ALPK1: variants seen among roughly 807,000 people sequenced by gnomAD.
ALPK1 encodes the protein alpha-protein kinase 1.
ALPK1 carries 110 observed loss-of-function variants against 120.6 expected under a neutral mutation model. The ratio of observed to expected loss-of-function variants is 0.91; its 90% CI spans 0.78 to 1.07. The LOEUF is 1.07. Ranked by LOEUF, ALPK1 falls within the 50% of genes least tolerant of loss-of-function variation. ALPK1 has a pLI of 0.00. For synonymous variants in ALPK1, 582 were observed against 560.3 expected, an observed-to-expected ratio of 1.04 and a Z score of -0.55; for missense variants, 1,498 against 1,483.9, an observed-to-expected ratio of 1.01 and a Z score of -0.16.
At chr4:112,412,176 C>T in intron 5 of ALPK1, 151 bp downstream of exon 5, 1 of 903,374 alleles carries the variant, frequency 1.1e-6, no homozygotes, top group Non-Finnish European at 1.7e-6. Context: ...CGCCCCTGTG[C>T]CCTTCCACCC....
intron 5 of ALPK1, among the ~76,000 whole-genome samples, chr4:112,419,835 T>C (rs570615491): frequency 6.6e-6 from 1 of 152,366 alleles, no homozygotes; most frequent in African/African-American, 2.4e-5. Flanking sequence ...TTGGTAATGA[T>C]ACTTATCCTC....
chr4:112,384,616 C>A (rs1732069417), intron 4 of ALPK1: 1 of 152,142 alleles, frequency 6.6e-6, no homozygotes, highest in Non-Finnish European at 1.5e-5. Flanking sequence ...AATCAAAAAC[C>A]CTTACTGAAT....
At chr4:112,359,180 C>G (rs1730793298) in intron 2 of ALPK1, 1 of 624,956 alleles carries the variant, frequency 1.6e-6, no homozygotes, top group Non-Finnish European at 2.9e-6. Context: ...ACCTGTCCCC[C>G]AGGCCACCCC....
At chr4:112,377,092 C>A (rs1248282510) in intron 2 of ALPK1, among the ~76,000 whole-genome samples, 2 of 152,072 alleles carry the variant, frequency 1.3e-5, no homozygotes, top group South Asian at 2.1e-4. Context: ...CAGATCCATC[C>A]GTTTGATGGA....
intron 14 of ALPK1, 131 bp from the exon 15 acceptor site, chr4:112,440,786 G>T: frequency 7.2e-7 from 1 of 1,385,342 alleles, no homozygotes. Context: ...ACCACAGGAT[G>T]GCCAAGTTTT....
chr4:112,394,168 G>A (rs1732550058), intron 4 of ALPK1, among the ~76,000 whole-genome samples: 1 of 152,172 alleles, frequency 6.6e-6, no homozygotes, highest in Non-Finnish European at 1.5e-5. Flanking sequence ...TAAATGTGGG[G>A]TTTTCTCCCT....
intron 5 of ALPK1, among the ~76,000 whole-genome samples, chr4:112,419,270 A>G (rs1733881950): frequency 6.6e-6 from 1 of 152,270 alleles, no homozygotes; most frequent in East Asian, 1.9e-4. Flanking sequence ...ATTTTCTTTT[A>G]TTCTCTGTTT....
chr4:112,299,040 G>T (rs1394297758), intron 1 of ALPK1, among the ~76,000 whole-genome samples: 1 of 152,098 alleles, frequency 6.6e-6, no homozygotes, highest in African/African-American at 2.4e-5. Context: ...TTAAAGGAAT[G>T]AGCATTTAAA....
intron 2 of ALPK1, chr4:112,357,194 C>A: frequency 6.4e-7 from 1 of 1,551,478 alleles, no homozygotes. Context: ...TGCTGAAGCC[C>A]AGAGCACGTT....
chr4:112,396,192 G>T (rs1732643479), intron 4 of ALPK1, among the ~76,000 whole-genome samples: 1 of 152,094 alleles, frequency 6.6e-6, no homozygotes, highest in Non-Finnish European at 1.5e-5. Flanking sequence ...CAGAATACCT[G>T]TTGCATAGCA....
intron 5 of ALPK1, among the ~76,000 whole-genome samples, chr4:112,413,280 C>T (rs1489302235): frequency 6.6e-6 from 1 of 152,132 alleles, no homozygotes; most frequent in Non-Finnish European, 1.5e-5. Flanking sequence ...TCAAGAAGAG[C>T]TTGGAACAGA....
At chr4:112,337,478 T>A (rs2106990) in intron 2 of ALPK1, among the ~76,000 whole-genome samples, 103,883 of 152,014 alleles carry the variant, frequency 0.68, 35,835 homozygotes, top group East Asian at 0.89. Context: ...GAGAATTGCT[T>A]GAGGTCAGGA....
intron 3 of ALPK1, among the ~76,000 whole-genome samples, chr4:112,380,361 A>G (rs1306328605): frequency 6.6e-6 from 1 of 152,188 alleles, no homozygotes; most frequent in Non-Finnish European, 1.5e-5. Flanking sequence ...GGGGAGCACT[A>G]TCAGTCACAC....
At chr4:112,352,711 A>G (rs1320985041) in intron 2 of ALPK1, 6 of 152,220 alleles carry the variant, frequency 3.9e-5, no homozygotes, top group African/African-American at 1.4e-4. Flanking sequence ...CCAACTGTAT[A>G]TTTGTATCCT....
chr4:112,298,472 G>A (rs1438727154), intron 1 of ALPK1, among the ~76,000 whole-genome samples: 1 of 151,896 alleles, frequency 6.6e-6, no homozygotes, highest in Admixed American at 6.6e-5. Context: ...TCAACCTCAA[G>A]CCTCAAGAGA....
intron 2 of ALPK1, among the ~76,000 whole-genome samples, chr4:112,363,348 T>C (rs977821813): frequency 2.0e-5 from 3 of 151,740 alleles, no homozygotes; most frequent in Non-Finnish European, 4.4e-5. Context: ...AAACTTAAGG[T>C]AAAGGGGTGG....
rs755828218 is a variant in ALPK1 at position 112,411,893 on chromosome 4, G to A, written c.343G>A (p.Asp115Asn). ...AAAAAIVFLVDRFLYGLDVSG... is the reference protein window; with the variant it reads ...AAAAAIVFLVNRFLYGLDVSG... ...TGCGGCGGCTATTGTGTTCTTGGTGGACCGGTTCCTGTATGGGCTCGACGT... is the reference window on the plus strand; with the variant it reads ...TGCGGCGGCTATTGTGTTCTTGGTGAACCGGTTCCTGTATGGGCTCGACGT... The change falls in exon 5 of 16, where the codon GAC becomes AAC. Residue 115 changes from aspartate (D) to asparagine (N), a missense_variant. Asp to Asn is a conservative substitution (Grantham distance 23, BLOSUM62 1). Transcript: ENST00000650871. 1.1e-5 allele frequency: 18 copies of A among 1,613,924 alleles called. No individual in the cohort carries two copies. In the African/African-American group the frequency reaches 1.9e-4, roughly 17 times the overall value.
intron 4 of ALPK1, among the ~76,000 whole-genome samples, chr4:112,398,766 C>T (rs576877046): frequency 2.0e-5 from 3 of 152,048 alleles, no homozygotes; most frequent in East Asian, 1.9e-4. Context: ...GTAACAGTGG[C>T]GTGGACTAAA....
At chr4:112,405,812 T>A (rs1733146313) in intron 4 of ALPK1, among the ~76,000 whole-genome samples, 1 of 152,128 alleles carries the variant, frequency 6.6e-6, no homozygotes, top group Non-Finnish European at 1.5e-5. Context: ...CCTGGCCTCA[T>A]GATTCACCCG....
Sources: gnomAD v4.1 joint callset for allele counts (sites outside exome capture counted in the v4.1 genomes callset) on GRCh38, gnomAD v4.1.1 for gene constraint, MANE v1.5 for transcripts, NCBI Gene and HGNC (gene_info 2026-07-23, HGNC 2026-07-21) for gene names.